Variants in AGBL1 observed in about 807,000 individuals in gnomAD.
The protein encoded by AGBL1 is cytosolic carboxypeptidase 4.
AGBL1 carries 130 observed loss-of-function variants against 118.9 expected under a neutral mutation model. The ratio of observed to expected loss-of-function variants is 1.09; its 90% CI spans 0.95 to 1.26. The LOEUF (loss-of-function observed/expected upper bound fraction) is 1.26, where lower values mean the gene tolerates loss of function less well. Among genes scored for constraint, AGBL1 ranks in the 50% most tolerant of loss-of-function variants. The pLI, the probability that AGBL1 is intolerant of heterozygous loss-of-function variation, is 0.00. For synonymous variants in AGBL1, 555 were observed against 478.9 expected, an observed-to-expected ratio of 1.16 and a Z score of -2.08; for missense variants, 1,584 against 1,298.1, an observed-to-expected ratio of 1.22 and a Z score of -3.38.
intron 18 of AGBL1, among the ~76,000 whole-genome samples, chr15:86,494,779 G>T (rs34713126): frequency 0.44 from 67,242 of 151,770 alleles, 15,815 homozygotes; most frequent in East Asian, 0.68. Context: ...TCTAGATAGT[G>T]ATTATTTTTA....
intron 21 of AGBL1, among the ~76,000 whole-genome samples, chr15:86,638,799 A>C (rs1045409201): frequency 2.6e-5 from 4 of 152,144 alleles, no homozygotes; most frequent in African/African-American, 4.8e-5. Flanking sequence ...AACACCATAC[A>C]TATTATCTCA....
chr15:86,637,032 A>T (rs1344865929), intron 21 of AGBL1, among the ~76,000 whole-genome samples: 1 of 151,868 alleles, frequency 6.6e-6, no homozygotes, highest in Non-Finnish European at 1.5e-5. Context: ...GCTGGGTGAC[A>T]AGCAGACATA....
chr15:86,434,228 C>T lies in AGBL1; in HGVS notation c.2555+36682C>T, dbSNP rs530130125. Among the ~76,000 whole-genome samples the T allele has an allele frequency of 6.4e-4, 97 of 152,324 alleles. No individual in the cohort carries two copies. In the Middle Eastern group the frequency reaches 0.01, roughly 16 times the overall value. The stretch of plus-strand genomic sequence containing the variant: ...AAGCTGTTGTCCACACAGAGTTTTA[C>T]GAGTCTCATTTCCTTTGACCTTTAT... On this transcript the variant is annotated intron_variant, in intron 18 of 22. Transcript: ENST00000614907.
chr15:86,793,421 T>G (rs2078524735), intron 22 of AGBL1, among the ~76,000 whole-genome samples: 1 of 152,136 alleles, frequency 6.6e-6, no homozygotes, highest in Admixed American at 6.5e-5. Flanking sequence ...TCAAGACAAC[T>G]TGCAAAAGAA....
At chr15:86,748,106 G>A (rs1248749230) in intron 22 of AGBL1, among the ~76,000 whole-genome samples, 3 of 152,140 alleles carry the variant, frequency 2.0e-5, no homozygotes, top group East Asian at 3.9e-4. Context: ...CAGTGTAAAA[G>A]TGTTCCTATT....
chr15:86,145,176 T>G (rs1462637001), intron 3 of AGBL1, among the ~76,000 whole-genome samples: 1 of 152,196 alleles, frequency 6.6e-6, no homozygotes, highest in Admixed American at 6.6e-5. Context: ...GCAAAGATTC[T>G]GTTTCCCAAA....
At chr15:86,781,985 T>G (rs1201173024) in intron 22 of AGBL1, among the ~76,000 whole-genome samples, 1 of 152,044 alleles carries the variant, frequency 6.6e-6, no homozygotes, top group African/African-American at 2.4e-5. Flanking sequence ...TAATCACAAT[T>G]TATAGATCTT....
intron 22 of AGBL1, among the ~76,000 whole-genome samples, chr15:86,808,510 GA>G (rs1405300161): frequency 1.3e-5 from 2 of 152,084 alleles, no homozygotes; most frequent in Non-Finnish European, 2.9e-5. Flanking sequence ...CTGCTAAGAT[GA>G]AAAACTGATT....
At chr15:86,578,350 C>G (rs940293200) in intron 21 of AGBL1, among the ~76,000 whole-genome samples, 1 of 152,228 alleles carries the variant, frequency 6.6e-6, no homozygotes, top group African/African-American at 2.4e-5. Flanking sequence ...TATATTTACC[C>G]AATGCCTGTA....
chr15:86,773,781 G>A (rs1316760615), intron 22 of AGBL1, among the ~76,000 whole-genome samples: 1 of 151,862 alleles, frequency 6.6e-6, no homozygotes, highest in Non-Finnish European at 1.5e-5. Context: ...TGTATCCACT[G>A]AAAAAGAAAA....
intron 21 of AGBL1, among the ~76,000 whole-genome samples, chr15:86,635,677 G>C (rs1037937914): frequency 6.6e-6 from 1 of 151,916 alleles, no homozygotes; most frequent in Non-Finnish European, 1.5e-5. Context: ...ACATTCGGGA[G>C]TTCCTCTATA....
chr15:86,827,487 GTGTATATATATA>G (rs1455544478), intron 22 of AGBL1, among the ~76,000 whole-genome samples: 3 of 3,464 alleles, frequency 8.7e-4, no homozygotes, highest in African/African-American at 3.4e-3. Context: ...ATATATATGT[GTGTATATATATA>G]TATATATATA....
At chr15:86,381,939 T>C (rs1447396424) in intron 17 of AGBL1, among the ~76,000 whole-genome samples, 2 of 152,136 alleles carry the variant, frequency 1.3e-5, no homozygotes, top group Admixed American at 6.5e-5. Context: ...GGGGAGCCGC[T>C]GAATATTTGG....
chr15:86,505,046 C>T (rs1755725942), intron 18 of AGBL1, among the ~76,000 whole-genome samples: 1 of 151,614 alleles, frequency 6.6e-6, no homozygotes, highest in South Asian at 2.1e-4. Context: ...TCTTGATGTT[C>T]AGTCTTTTTG....
At chr15:86,971,929 C>T (rs578166634) in intron 23 of AGBL1, among the ~76,000 whole-genome samples, 2 of 152,008 alleles carry the variant, frequency 1.3e-5, no homozygotes, top group Admixed American at 6.6e-5. Context: ...GCTCTTCCCA[C>T]TTTGCTTGGC....
At chr15:86,240,339 T>A (rs2078621708) in intron 6 of AGBL1, among the ~76,000 whole-genome samples, 1 of 152,244 alleles carries the variant, frequency 6.6e-6, no homozygotes, top group African/African-American at 2.4e-5. Context: ...TAGTAGAGAC[T>A]ACTTTATCCA....
chr15:86,646,051 C>G (rs1383492862), intron 21 of AGBL1, among the ~76,000 whole-genome samples: 1 of 152,170 alleles, frequency 6.6e-6, no homozygotes, highest in Admixed American at 6.5e-5. Flanking sequence ...CTCTCTTTCC[C>G]AGCCAGGTTG....
Position 86,489,170 on chromosome 15 carries a change from C to A in AGBL1, c.2556-33640C>A, listed in dbSNP as rs568716704. On this transcript the variant is annotated intron_variant, in intron 18 of 22. Coordinates refer to ENST00000614907, the MANE Select transcript of AGBL1 (RefSeq NM_001386094.1). ...ATTTGGCTACAGTGATAAGCCCTGG[C>A]ACTGCACTGCCCTGGCATCTTTGCC... Among the ~76,000 whole-genome samples, 7 of 152,248 alleles carry A rather than the reference C, an allele frequency of 4.6e-5. No individual in the cohort carries two copies. In the East Asian group the frequency reaches 1.4e-3, roughly 30 times the overall value.
chr15:86,762,065 G>T (rs1460376133), intron 22 of AGBL1, among the ~76,000 whole-genome samples: 5 of 152,010 alleles, frequency 3.3e-5, no homozygotes, highest in East Asian at 1.9e-4. Context: ...TATGTCATTT[G>T]CAGGGACATG....
Sources: allele counts gnomAD v4.1 joint callset (sites outside exome capture counted in the v4.1 genomes callset), GRCh38; gene constraint gnomAD v4.1.1; transcripts MANE v1.5; gene names NCBI Gene and HGNC (gene_info 2026-07-23, HGNC 2026-07-21).